Variants in PPP4R3B observed in about 807,000 individuals in gnomAD.
PPP4R3B encodes serine/threonine-protein phosphatase 4 regulatory subunit 3B.
In PPP4R3B, 52 loss-of-function variants were observed where a neutral mutation model predicts 95.4. The ratio of observed to expected loss-of-function variants is 0.54; its 90% CI spans 0.44 to 0.69. The LOEUF is 0.69. PPP4R3B is among the 30% of genes least tolerant of loss of function. PPP4R3B has a pLI of 0.00. For missense variants in PPP4R3B, 1,003 were observed against 1,005.9 expected (o/e 1.00, Z 0.04); for synonymous variants, 407 against 343.9 (o/e 1.18, Z -2.03).
At chr2:55,575,309 T>A (rs2104116634) in intron 11 of PPP4R3B, among the ~76,000 whole-genome samples, 1 of 152,154 alleles carries the variant, frequency 6.6e-6, no homozygotes, top group Non-Finnish European at 1.5e-5. Flanking sequence ...ACTTGCATTT[T>A]TTCTTTCCCT....
At chr2:55,571,625 G>T (rs897200721) in intron 12 of PPP4R3B, among the ~76,000 whole-genome samples, 3 of 143,910 alleles carry the variant, frequency 2.1e-5, no homozygotes, top group African/African-American at 8.9e-5. Context: ...CAGGTTTTTT[G>T]TTTGTTTGTT....
At chr2:55,585,229 T>A in intron 6 of PPP4R3B, 62 bp from the exon 7 acceptor site, 1 of 1,293,916 alleles carries the variant, frequency 7.7e-7, no homozygotes. Context: ...CACATTTCTT[T>A]TTTCTTTTCC....
At chr2:55,574,725 A>G (rs1285894832) in intron 11 of PPP4R3B, among the ~76,000 whole-genome samples, 1 of 142,984 alleles carries the variant, frequency 7.0e-6, no homozygotes, top group Non-Finnish European at 1.5e-5. Flanking sequence ...TCCCGAGTAG[A>G]TGGGACTACA....
intron 15 of PPP4R3B, among the ~76,000 whole-genome samples, chr2:55,561,484 C>G (rs890630860): frequency 1.2e-4 from 18 of 152,186 alleles, no homozygotes; most frequent in Middle Eastern, 3.2e-3. Flanking sequence ...GTAGATCTAC[C>G]AACAGCTTGC....
At position 55,558,881 on chromosome 2, in the gene PPP4R3B, G is replaced by A; in HGVS notation, c.2348C>T (p.Ala783Val). Reference protein sequence around the residue: ...KFTFSHSASAANGTNSKSVVA... With the variant: ...KFTFSHSASAVNGTNSKSVVA... The stretch of plus-strand genomic sequence containing the variant: ...TACAGATTTACTGTTTGTTCCATTA[G>A]CAGCACTGGCAGAGTGGGAGAAAGT... Residue 783 changes from alanine to valine, a missense_variant, in exon 16 of 17, where the codon GCT (alanine) becomes GTT (valine). Ala to Val is a moderately conservative substitution (Grantham distance 64, BLOSUM62 0). Transcript: ENST00000616407. 6.2e-7 allele frequency: 1 copy of A among 1,614,124 alleles called. No individual in the cohort carries two copies. Among genetic ancestry groups the A allele is most frequent in the Non-Finnish European group, 8.5e-7 (1 of 1,179,980 alleles).
chr2:55,573,797 C>T lies in PPP4R3B; in HGVS notation c.1607-20G>A, dbSNP rs1459865121. The T allele has an allele frequency of 1.4e-6, 2 of 1,429,346 alleles. No individual in the cohort carries two copies. Among genetic ancestry groups the T allele is most frequent in the Admixed American group, 6.0e-5 (2 of 33,322 alleles). 88.5% of individuals were successfully genotyped at this position (1,429,346 alleles called of 1,614,324 possible). ...AATTATCTACAAAAGAAAGTAATCT[C>T]ATGAAAATAAATATTGAATATATCT... is the stretch of plus-strand genomic sequence containing the variant. On this transcript the variant is annotated intron_variant, in intron 11 of 16. Transcript: ENST00000616407.
chr2:55,609,997 A>AT (rs944956840), intron 2 of PPP4R3B, among the ~76,000 whole-genome samples: 46 of 152,172 alleles, frequency 3.0e-4, no homozygotes, highest in African/African-American at 6.3e-4. Context: ...ACTAAAAAAA[A>AT]TTTTTTTTAA....
rs1249462608 is a variant in PPP4R3B, at chr2:55,564,410, T to G, written c.2163A>C (p.Glu721Asp). The G allele has an allele frequency of 6.2e-7, 1 of 1,613,928 alleles. No individual in the cohort carries two copies. Among genetic ancestry groups the G allele is most frequent in the Non-Finnish European group, 8.5e-7 (1 of 1,179,914 alleles). Residue 721 changes from glutamate (E) to aspartate (D), a missense_variant, in exon 15 of 17, where the codon GAA (glutamate) becomes GAC (aspartate). By Grantham distance (45) the Glu-to-Asp change is conservative. Around this residue, in one of 3 missense-constraint regions of PPP4R3B, gnomAD observed 229 missense variants for 194.7 expected, o/e 1.18. Transcript: ENST00000616407. The part of the protein sequence containing the change: ...EDEEMWFNED[E>D]EEEGKAVVAP... Reference sequence around the variant, plus strand: ...CCACAACTGCTTTTCCTTCCTCTTCTTCATCTTCATTAAACCACATTTCTT... The same window carrying G: ...CCACAACTGCTTTTCCTTCCTCTTCGTCATCTTCATTAAACCACATTTCTT...
intron 12 of PPP4R3B, 141 bp downstream of exon 12, chr2:55,573,478 C>A: frequency 1.3e-6 from 1 of 749,314 alleles, no homozygotes; most frequent in Non-Finnish European, 2.1e-6. Context: ...GTCCTCTTGC[C>A]CTTTAAATAA....
chr2:55,589,859 T>C (rs1009512069), intron 4 of PPP4R3B, among the ~76,000 whole-genome samples: 1 of 145,570 alleles, frequency 6.9e-6, no homozygotes. Flanking sequence ...GAGCTTGCAG[T>C]GAGCCGAGAT....
chr2:55,550,328 G>T (rs751459577), intron 16 of PPP4R3B, among the ~76,000 whole-genome samples: 13 of 152,106 alleles, frequency 8.5e-5, no homozygotes, highest in Non-Finnish European at 1.6e-4. Context: ...TTGGAAGCTG[G>T]AAAGGACATT....
chr2:55,559,603 G>A (rs12994656), intron 15 of PPP4R3B, among the ~76,000 whole-genome samples: 16,301 of 152,094 alleles, frequency 0.11, 1,094 homozygotes, highest in East Asian at 0.24. Context: ...GTTCCAAAGG[G>A]TGGCACTTCC....
chr2:55,610,828 C>T (rs1694061191), intron 2 of PPP4R3B, among the ~76,000 whole-genome samples: 1 of 151,404 alleles, frequency 6.6e-6, no homozygotes, highest in Admixed American at 6.6e-5. Context: ...ACCCAATTAA[C>T]ACACAATTGT....
intron 3 of PPP4R3B, among the ~76,000 whole-genome samples, chr2:55,602,359 T>C (rs933720499): frequency 1.3e-5 from 2 of 152,214 alleles, no homozygotes; most frequent in Non-Finnish European, 2.9e-5. Flanking sequence ...AGGACTGACC[T>C]TGCCAAAGGA....
intron 16 of PPP4R3B, among the ~76,000 whole-genome samples, chr2:55,557,720 T>C (rs1686033409): frequency 6.6e-6 from 1 of 152,204 alleles, no homozygotes; most frequent in Non-Finnish European, 1.5e-5. Flanking sequence ...TAATTAGGTA[T>C]GTACTACCAC....
intron 13 of PPP4R3B, among the ~76,000 whole-genome samples, chr2:55,566,079 A>T (rs562193124): frequency 1.3e-3 from 191 of 149,330 alleles, no homozygotes; most frequent in African/African-American, 4.1e-3. Flanking sequence ...GGCTTATTTT[A>T]AAAAAAAAAA....
chr2:55,605,904 CAAAA>C (rs35675375), intron 2 of PPP4R3B, among the ~76,000 whole-genome samples: 3 of 86,398 alleles, frequency 3.5e-5, no homozygotes, highest in South Asian at 3.6e-4. Flanking sequence ...GACTCCGTCT[CAAAA>C]AAAAAAAAAA....
At chr2:55,573,492 C>G (rs543555414) in intron 12 of PPP4R3B, 127 bp downstream of exon 12, 22 of 879,886 alleles carry the variant, frequency 2.5e-5, no homozygotes, top group African/African-American at 1.1e-4. Flanking sequence ...TAAATAAGAA[C>G]AAAAGAATAG....
In PPP4R3B at chr2:55,617,266, C is replaced by A; in HGVS notation, c.20G>T (p.Arg7Leu). 2 of 1,600,910 alleles carry A rather than the reference C, an allele frequency of 1.2e-6. No homozygotes were observed. Among genetic ancestry groups the A allele is most frequent in the Admixed American group, 1.7e-5 (1 of 58,000 alleles). Residue 7 changes from arginine (R) to leucine (L), a missense_variant, in exon 1 of 17, where the codon CGA becomes CTA. By Grantham distance (102) the Arg-to-Leu change is moderately radical (BLOSUM62 -2). Coordinates refer to ENST00000616407, the MANE Select transcript of PPP4R3B (RefSeq NM_001122964.3). MSDTRR[R>L]VKVYTLNEDR... ...TTCGTTCAGGGTATAGACCTTCACTCGCCGCCGCGTATCCGACATGGTGGC... is the reference window on the plus strand; with the variant it reads ...TTCGTTCAGGGTATAGACCTTCACTAGCCGCCGCGTATCCGACATGGTGGC...
Sources: gnomAD v4.1 joint callset for allele counts (sites outside exome capture counted in the v4.1 genomes callset) on GRCh38, gnomAD v4.1.1 for gene constraint, gnomAD v4.1.1 regional missense constraint, MANE v1.5 for transcripts, NCBI Gene and HGNC (gene_info 2026-07-23, HGNC 2026-07-21) for gene names.